The following RGS3 variants were observed in gnomAD, a reference collection of about 807,000 sequenced individuals.
RGS3 encodes regulator of G-protein signalling 3.
RGS3 carries 80 observed loss-of-function variants against 132.6 expected under a neutral mutation model. The observed-to-expected ratio is 0.60, with a 90% CI of 0.50 to 0.73. RGS3 has a LOEUF of 0.73. Ranked by LOEUF, RGS3 falls within the 30% of genes least tolerant of loss-of-function variation. RGS3 has a pLI of 0.00. For missense variants in RGS3, 1,382 were observed against 1,530.8 expected, an observed-to-expected ratio of 0.90 and a Z score of 1.62; for synonymous variants, 598 against 620.6, an observed-to-expected ratio of 0.96 and a Z score of 0.54.
chr9:113,584,512 A>G (rs2118989669), intron 20 of RGS3, 85 bp downstream of exon 18: 1 of 1,374,932 alleles, frequency 7.3e-7, no homozygotes, highest in Admixed American at 2.9e-5. Flanking sequence ...AGAAGTCACC[A>G]TGTTCCACCC....
chr9:113,493,527 C>T (rs1206596459), intron 7 of RGS3, among the ~76,000 whole-genome samples: 1 of 152,202 alleles, frequency 6.6e-6, no homozygotes. Context: ...AATCCCCCAG[C>T]ATCCTGCCTC....
At chr9:113,542,677 G>A (rs1043132575) in intron 19 of RGS3, among the ~76,000 whole-genome samples, 1 of 152,236 alleles carries the variant, frequency 6.6e-6, no homozygotes, top group African/African-American at 2.4e-5. Context: ...GCCTCGTGGG[G>A]GATAGTGGGG....
intron 15 of RGS3, 150 bp from the exon 14 acceptor site, chr9:113,517,391 G>C (rs553439681): frequency 1.4e-6 from 1 of 710,984 alleles, no homozygotes; most frequent in Non-Finnish European, 2.6e-6. Context: ...GTATGAGGGG[G>C]TGTGTGGGTT....
At chr9:113,471,685 T>G (rs1016031272) in intron 3 of RGS3, among the ~76,000 whole-genome samples, 14 of 151,926 alleles carry the variant, frequency 9.2e-5, no homozygotes, top group Admixed American at 8.5e-4. Flanking sequence ...CCTTTCTTTC[T>G]CCCTGCCTGC....
At chr9:113,489,428 T>G (rs1830437341) in intron 7 of RGS3, among the ~76,000 whole-genome samples, 1 of 152,200 alleles carries the variant, frequency 6.6e-6, no homozygotes. Flanking sequence ...CACTTGACCA[T>G]CTCACATGGA....
intron 16 of RGS3, among the ~76,000 whole-genome samples, chr9:113,519,034 AT>A (rs1831810449): frequency 2.6e-5 from 4 of 152,306 alleles, no homozygotes; most frequent in Admixed American, 2.6e-4. Context: ...ATCTGCAAAC[AT>A]TGAGCACTTA....
Position 113,501,093 on chromosome 9 carries a change from C to A in RGS3, c.897+3013C>A, listed in dbSNP as rs569549682. 8.5e-5 allele frequency among the ~76,000 whole-genome samples: 13 copies of A among 152,312 alleles called. No individual in the cohort carries two copies. The South Asian group carries it at 1.0e-3, about 12-fold the overall frequency. On this transcript the variant is annotated intron_variant, in intron 10 of 24. Coordinates refer to ENST00000350696, the Ensembl canonical transcript of RGS3. ...GGGATGTCTGTGAGTGCAAACCCCCCCAAGGTATCCTTGGATTCTTTAGGC... is the reference window on the plus strand; with the variant it reads ...GGGATGTCTGTGAGTGCAAACCCCCACAAGGTATCCTTGGATTCTTTAGGC...
intron 16 of RGS3, among the ~76,000 whole-genome samples, chr9:113,519,020 T>C (rs1023438252): frequency 6.6e-6 from 1 of 152,206 alleles, no homozygotes; most frequent in East Asian, 1.9e-4. Context: ...CCACTTACCC[T>C]TGAATCTGCA....
intron 19 of RGS3, chr9:113,580,922 A>AGTGCCACTCTGTGCCACTCC: frequency 2.0e-6 from 2 of 985,138 alleles, no homozygotes; most frequent in Non-Finnish European, 2.4e-6. Context: ...CTCCCCACTC[A>AGTGCCACTCTGTGCCACTCC]GTGCCACTCT....
intron 19 of RGS3, 30 bp from the exon 18 acceptor site, chr9:113,583,420 A>G: frequency 6.2e-7 from 1 of 1,611,510 alleles, no homozygotes; most frequent in Non-Finnish European, 8.5e-7. Flanking sequence ...TCCTCTTCTG[A>G]ACTGTTCTTG....
At chr9:113,539,961 G>A (rs542975564) in intron 19 of RGS3, among the ~76,000 whole-genome samples, 1 of 152,252 alleles carries the variant, frequency 6.6e-6, no homozygotes, top group South Asian at 2.1e-4. Context: ...CTGGGCACTG[G>A]GCCCGTGGCT....
intron 19 of RGS3, among the ~76,000 whole-genome samples, chr9:113,547,121 C>G (rs1213647738): frequency 6.6e-6 from 1 of 152,250 alleles, no homozygotes; most frequent in South Asian, 2.1e-4. Context: ...CAGTCACTGT[C>G]TTGAGACACA....
At chr9:113,555,169 G>A (rs1271886647) in intron 19 of RGS3, among the ~76,000 whole-genome samples, 1 of 152,062 alleles carries the variant, frequency 6.6e-6, no homozygotes, top group Non-Finnish European at 1.5e-5. Context: ...CCTACATCAG[G>A]TTAGACTTAA....
upstream of RGS3, among the ~76,000 whole-genome samples, chr9:113,458,558 G>A (rs147542513): frequency 3.4e-3 from 519 of 152,006 alleles, 4 homozygotes; most frequent in Non-Finnish European, 4.1e-3. Context: ...CTAGCTGTGG[G>A]GTATAGATGT....
chr9:113,487,458 C>T (rs1376387763), intron 7 of RGS3, among the ~76,000 whole-genome samples: 3 of 152,250 alleles, frequency 2.0e-5, no homozygotes, highest in South Asian at 2.1e-4. Flanking sequence ...GTGGTTTTGT[C>T]CTAAGTTTTC....
chr9:113,583,721 C>T lies in RGS3; in HGVS notation c.2309C>T (p.Pro770Leu), dbSNP rs141855035. Residue 770 changes from proline to leucine, a missense_variant, in exon 20 of 25, where the codon CCC (proline) becomes CTC (leucine). Physicochemically the swap from Pro to Leu is moderately conservative, Grantham distance 98 (BLOSUM62 -3). Transcript: ENST00000350696. ...AAGGATGTGCCACCATGCCAGGAAC[C>T]CCCTCCAGCCCAAGACCTCTCACCC... 34 of 1,613,950 alleles carry T rather than the reference C, an allele frequency of 2.1e-5. No individual in the cohort carries two copies. The African/African-American group carries it at 3.9e-4, about 18-fold the overall frequency.
intron 1 of RGS3, among the ~76,000 whole-genome samples, chr9:113,447,366 AG>A (rs1459206036): frequency 4.1e-5 from 1 of 24,616 alleles, no homozygotes; most frequent in Non-Finnish European, 1.2e-4. Context: ...TATATAGGCA[AG>A]GGTTGAAGAT....
intron 5 of RGS3, among the ~76,000 whole-genome samples, chr9:113,483,869 A>G (rs1830240870): frequency 6.6e-6 from 1 of 152,132 alleles, no homozygotes; most frequent in Admixed American, 6.5e-5. Context: ...AGCAGAGATG[A>G]TAAAGTTGTA....
At chr9:113,489,667 G>A (rs1294653632) in intron 7 of RGS3, among the ~76,000 whole-genome samples, 2 of 151,774 alleles carry the variant, frequency 1.3e-5, no homozygotes, top group East Asian at 1.9e-4. Context: ...GGGACTACAG[G>A]TACATGCCAC....
Sources: gnomAD v4.1 joint callset for allele counts (sites outside exome capture counted in the v4.1 genomes callset) on GRCh38, gnomAD v4.1.1 for gene constraint, MANE v1.5 for transcripts, NCBI Gene and HGNC (gene_info 2026-07-23, HGNC 2026-07-21) for gene names.